FAT3: variants seen among roughly 807,000 people sequenced by gnomAD.
FAT3 encodes the protein FAT atypical cadherin 3.
FAT3 carries 95 observed loss-of-function variants against 310.2 expected under a neutral mutation model. That is an observed-to-expected ratio of 0.31 (90% confidence interval 0.26 to 0.36). The LOEUF (loss-of-function observed/expected upper bound fraction) is 0.36. FAT3 is among the 10% of genes least tolerant of loss of function. The probability of loss-of-function intolerance (pLI) is 1.00; values close to 1 mark genes in which losing one functional copy is unlikely to be tolerated. For missense variants in FAT3, 5,408 were observed against 5,715.6 expected (o/e 0.95, Z 1.74); for synonymous variants, 2,314 against 2,192.9 (o/e 1.06, Z -1.54).
intron 1 of FAT3, among the ~76,000 whole-genome samples, chr11:92,297,059 C>G (rs963987663): frequency 6.6e-6 from 1 of 152,000 alleles, no homozygotes; most frequent in East Asian, 1.9e-4. Flanking sequence ...TAGTAACAAG[C>G]AAAGCAATAT....
intron 2 of FAT3, among the ~76,000 whole-genome samples, chr11:92,487,755 G>T (rs559515952): frequency 6.6e-6 from 1 of 152,256 alleles, no homozygotes; most frequent in Non-Finnish European, 1.5e-5. Flanking sequence ...ATCTAATAGG[G>T]TTATTATAGC....
intron 3 of FAT3, among the ~76,000 whole-genome samples, chr11:92,569,073 C>T (rs1034197574): frequency 6.6e-6 from 1 of 152,134 alleles, no homozygotes; most frequent in African/African-American, 2.4e-5. Context: ...CATAACTGAA[C>T]TTCACTGTGC....
intron 8 of FAT3, among the ~76,000 whole-genome samples, chr11:92,791,149 A>G (rs187950255): frequency 1.1e-4 from 16 of 152,304 alleles, no homozygotes; most frequent in African/African-American, 3.8e-4. Flanking sequence ...CTAAGACTCC[A>G]GGAAACAGAT....
chr11:92,240,332 C>A (rs983060012), intron 1 of FAT3, among the ~76,000 whole-genome samples: 16 of 151,960 alleles, frequency 1.1e-4, no homozygotes, highest in African/African-American at 3.6e-4. Flanking sequence ...ACAGATAGAA[C>A]TTGAATATTC....
chr11:92,259,021 C>T (rs145941946), intron 1 of FAT3, among the ~76,000 whole-genome samples: 5 of 146,068 alleles, frequency 3.4e-5, no homozygotes, highest in African/African-American at 1.3e-4. Context: ...GTGTGGGGGG[C>T]GGGGGTGGAA....
chr11:92,666,097 C>T (rs528022729), intron 3 of FAT3, among the ~76,000 whole-genome samples: 2 of 152,298 alleles, frequency 1.3e-5, no homozygotes, highest in East Asian at 1.9e-4. Flanking sequence ...AACACCTTAA[C>T]CATCTCACTT....
intron 1 of FAT3, among the ~76,000 whole-genome samples, chr11:92,337,152 A>G (rs1406481583): frequency 6.6e-6 from 1 of 152,210 alleles, no homozygotes; most frequent in Non-Finnish European, 1.5e-5. Context: ...GCAACCTGGT[A>G]AGAACTTATT....
chr11:92,664,195 C>T (rs1012673396), intron 3 of FAT3, among the ~76,000 whole-genome samples: 1 of 152,108 alleles, frequency 6.6e-6, no homozygotes, highest in African/African-American at 2.4e-5. Flanking sequence ...CCTTTGTTGC[C>T]CCTTCAAAGT....
chr11:92,497,982 A>T (rs1477269622), intron 2 of FAT3, among the ~76,000 whole-genome samples: 2 of 152,022 alleles, frequency 1.3e-5, no homozygotes, highest in Non-Finnish European at 2.9e-5. Context: ...CCAAATTCAC[A>T]TGCTGAGGCC....
At chr11:92,417,693 T>G (rs1252084863) in intron 2 of FAT3, among the ~76,000 whole-genome samples, 2 of 152,184 alleles carry the variant, frequency 1.3e-5, no homozygotes, top group Admixed American at 6.5e-5. Flanking sequence ...GGGCAAAGTT[T>G]CATAGGTGGG....
chr11:92,751,389 C>T (rs781230252), intron 4 of FAT3, among the ~76,000 whole-genome samples: 16 of 152,146 alleles, frequency 1.1e-4, no homozygotes, highest in Non-Finnish European at 1.9e-4. Flanking sequence ...ATAAATAAGA[C>T]GTAGAGAGAA....
intron 2 of FAT3, among the ~76,000 whole-genome samples, chr11:92,434,612 G>A (rs551036727): frequency 1.3e-5 from 2 of 152,110 alleles, no homozygotes; most frequent in African/African-American, 4.8e-5. Context: ...TCTAGAGCAG[G>A]CAGATCTCAA....
chr11:92,603,144 T>TG (rs975787810), intron 3 of FAT3, among the ~76,000 whole-genome samples: 4 of 152,356 alleles, frequency 2.6e-5, no homozygotes, highest in East Asian at 3.9e-4. Context: ...TCCTGAAGTT[T>TG]GGTAAGCTTC....
intron 1 of FAT3, among the ~76,000 whole-genome samples, chr11:92,278,549 G>A (rs997600468): frequency 2.6e-5 from 4 of 152,044 alleles, no homozygotes; most frequent in African/African-American, 4.8e-5. Context: ...GTTGCATTGT[G>A]TAGACAACTA....
Position 92,890,588 on chromosome 11 carries a change from C to T in FAT3, c.13245C>T (p.His4415=), listed in dbSNP as rs1949894636. ...AGAACCAGGATGGAGGGTCTGCACACCAGGGGAGCACACGGGAGCTGGAGA... is the reference window on the plus strand; with the variant it reads ...AGAACCAGGATGGAGGGTCTGCACATCAGGGGAGCACACGGGAGCTGGAGA... ...NYENQDGGSA[H]QGSTRELESD... The change falls in exon 28 of 28, where the codon CAC becomes CAT. Residue 4415 remains histidine (H), a synonymous_variant. Coordinates refer to ENST00000525166, the MANE Select transcript of FAT3 (RefSeq NM_001367949.2). The T allele has an allele frequency of 2.5e-6, 4 of 1,613,260 alleles. No individual in the cohort carries two copies. The highest frequency in any genetic ancestry group is 1.3e-5 in the African/African-American group (1 of 74,690).
intron 4 of FAT3, among the ~76,000 whole-genome samples, chr11:92,758,637 G>C (rs1214660349): frequency 6.6e-6 from 1 of 152,156 alleles, no homozygotes; most frequent in Non-Finnish European, 1.5e-5. Flanking sequence ...GCAAATCAGC[G>C]ACATGATCAG....
At chr11:92,549,336 A>C (rs1000440363) in intron 3 of FAT3, among the ~76,000 whole-genome samples, 1 of 152,176 alleles carries the variant, frequency 6.6e-6, no homozygotes, top group Non-Finnish European at 1.5e-5. Context: ...TTCCCATTCA[A>C]ACTGTTTTCT....
intron 19 of FAT3, among the ~76,000 whole-genome samples, chr11:92,856,470 C>T (rs1002835001): frequency 6.6e-6 from 1 of 152,184 alleles, no homozygotes; most frequent in African/African-American, 2.4e-5. Flanking sequence ...TCTTAAATAA[C>T]TCACTTGGGT....
intron 3 of FAT3, among the ~76,000 whole-genome samples, chr11:92,540,776 T>TTTTG (rs1209450796): frequency 3.7e-3 from 132 of 35,586 alleles, no homozygotes; most frequent in African/African-American, 8.6e-3. Flanking sequence ...TTTTGTTTTG[T>TTTTG]TTTTTTTGAC....
Sources: allele counts gnomAD v4.1 joint callset (sites outside exome capture counted in the v4.1 genomes callset), GRCh38; gene constraint gnomAD v4.1.1; transcripts MANE v1.5; gene names NCBI Gene and HGNC (gene_info 2026-07-23, HGNC 2026-07-21).